NKAIN3: variants seen among roughly 807,000 people sequenced by gnomAD.
NKAIN3 encodes sodium/potassium transporting ATPase interacting 3.
In NKAIN3, 25 loss-of-function variants were observed where a neutral mutation model predicts 30.2. The ratio of observed to expected loss-of-function variants is 0.83; its 90% CI spans 0.60 to 1.16. The LOEUF is 1.16. Among genes scored for constraint, NKAIN3 ranks in the 50% most tolerant of loss-of-function variants. The probability of loss-of-function intolerance (pLI) is 0.00; values close to 1 mark genes in which losing one functional copy is unlikely to be tolerated. For missense variants in NKAIN3, 225 were observed against 254.1 expected (o/e 0.89, Z 0.78); for synonymous variants, 91 against 89.6 (o/e 1.02, Z -0.09).
chr8:62,257,509 C>A (rs1412337523), intron 1 of NKAIN3, among the ~76,000 whole-genome samples: 2 of 152,142 alleles, frequency 1.3e-5, no homozygotes, highest in East Asian at 3.8e-4. Flanking sequence ...TTCTACAATG[C>A]CTGATTAATC....
chr8:62,662,133 G>A (rs1812965403), intron 3 of NKAIN3, among the ~76,000 whole-genome samples: 1 of 152,132 alleles, frequency 6.6e-6, no homozygotes. Flanking sequence ...ATAGGGAACA[G>A]AAATTTCTGA....
chr8:62,347,191 C>G (rs1045329696), intron 1 of NKAIN3, among the ~76,000 whole-genome samples: 1 of 152,110 alleles, frequency 6.6e-6, no homozygotes, highest in African/African-American at 2.4e-5. Context: ...CTTGGCTTAT[C>G]TATGTGCTGC....
rs1807231046 is a variant in NKAIN3, at chr8:62,496,181, G to A, written c.55-83358G>A. On this transcript the variant is annotated intron_variant, in intron 1 of 6. Coordinates refer to ENST00000623646, the MANE Select transcript of NKAIN3 (RefSeq NM_001304533.3). ...TGTGCTTACTGTTTATAATATCTAAGCATAAAAGGAAAGGCAGAAAATTGT... is the reference window on the plus strand; with the variant it reads ...TGTGCTTACTGTTTATAATATCTAAACATAAAAGGAAAGGCAGAAAATTGT... Among the ~76,000 whole-genome samples the A allele has an allele frequency of 4.6e-5, 7 of 152,116 alleles. No homozygotes were observed. The South Asian group carries it at 1.5e-3, about 32-fold the overall frequency.
chr8:62,284,654 A>T (rs903965683), intron 1 of NKAIN3, among the ~76,000 whole-genome samples: 3 of 151,704 alleles, frequency 2.0e-5, no homozygotes, highest in Non-Finnish European at 4.4e-5. Context: ...AATAAATAAA[A>T]TAAATGTAGA....
chr8:62,878,518 A>T (rs1248149256), intron 4 of NKAIN3, among the ~76,000 whole-genome samples: 6 of 151,766 alleles, frequency 4.0e-5, no homozygotes, highest in Non-Finnish European at 5.9e-5. Flanking sequence ...TTTTATTATT[A>T]TTATTATTAT....
chr8:62,551,555 G>A (rs184058427), intron 1 of NKAIN3, among the ~76,000 whole-genome samples: 2 of 152,230 alleles, frequency 1.3e-5, no homozygotes, highest in South Asian at 2.1e-4. Context: ...AATAGGGCTC[G>A]CCCCTGACTT....
intron 1 of NKAIN3, among the ~76,000 whole-genome samples, chr8:62,459,342 A>C (rs2129599361): frequency 6.6e-6 from 1 of 152,312 alleles, no homozygotes; most frequent in East Asian, 1.9e-4. Context: ...AGGGCTGCTG[A>C]AATTTCAGCA....
At chr8:62,714,529 A>G (rs1381891269) in intron 3 of NKAIN3, among the ~76,000 whole-genome samples, 3 of 152,258 alleles carry the variant, frequency 2.0e-5, no homozygotes, top group South Asian at 2.1e-4. Flanking sequence ...TTAATCCTCA[A>G]AATAGCCCTA....
At chr8:62,833,908 T>C (rs1436868125) in intron 4 of NKAIN3, among the ~76,000 whole-genome samples, 1 of 151,824 alleles carries the variant, frequency 6.6e-6, no homozygotes, top group Non-Finnish European at 1.5e-5. Flanking sequence ...CTGAAGAACA[T>C]AGACAGAAAA....
At chr8:62,328,892 C>T (rs1314737108) in intron 1 of NKAIN3, among the ~76,000 whole-genome samples, 1 of 152,070 alleles carries the variant, frequency 6.6e-6, no homozygotes, top group Non-Finnish European at 1.5e-5. Context: ...GGCTACGTTG[C>T]ACCAGGGTTG....
At chr8:62,448,568 T>C (rs1164300320) in intron 1 of NKAIN3, among the ~76,000 whole-genome samples, 1 of 151,720 alleles carries the variant, frequency 6.6e-6, no homozygotes, top group Admixed American at 6.6e-5. Flanking sequence ...ATAATTGAGA[T>C]TGTACAATAC....
At chr8:62,283,523 A>G (rs1019905728) in intron 1 of NKAIN3, among the ~76,000 whole-genome samples, 3 of 152,116 alleles carry the variant, frequency 2.0e-5, no homozygotes, top group Admixed American at 1.3e-4. Flanking sequence ...GATTAACCCA[A>G]AGTTACTATT....
intron 1 of NKAIN3, among the ~76,000 whole-genome samples, chr8:62,424,113 T>G (rs917077584): frequency 6.6e-6 from 1 of 151,982 alleles, no homozygotes; most frequent in Non-Finnish European, 1.5e-5. Flanking sequence ...GATATCCACA[T>G]ACAGAAGAAT....
At position 62,578,473 on chromosome 8, in the gene NKAIN3, G is replaced by A. The variant is rs150347768; in HGVS notation, c.55-1066G>A. ...TGATCTCAATAAAATGTGATTCAAGGGGGTTAACTCTAGTTTTAGATCAGA... is the reference window on the plus strand; with the variant it reads ...TGATCTCAATAAAATGTGATTCAAGAGGGTTAACTCTAGTTTTAGATCAGA... On this transcript the variant is annotated intron_variant, in intron 1 of 6. Transcript: ENST00000623646. 2.3e-3 allele frequency among the ~76,000 whole-genome samples: 348 copies of A among 152,108 alleles called. 1 individual carries two copies. Among genetic ancestry groups the A allele is most frequent in the African/African-American group, 8.1e-3 (336 of 41,522 alleles).
chr8:62,785,073 C>T (rs1249456858), intron 4 of NKAIN3, among the ~76,000 whole-genome samples: 1 of 152,090 alleles, frequency 6.6e-6, no homozygotes, highest in African/African-American at 2.4e-5. Flanking sequence ...AAATTAAATA[C>T]AGAACTTCTG....
chr8:62,903,097 A>G lies in NKAIN3; in HGVS notation c.472-15356A>G, dbSNP rs143078238. ...AACTGTCTCCACAAGTGCTTCCCATACACATAAGGGCAGTAAATCCCCAGA... is the reference window on the plus strand; with the variant it reads ...AACTGTCTCCACAAGTGCTTCCCATGCACATAAGGGCAGTAAATCCCCAGA... On this transcript the variant is annotated intron_variant, in intron 4 of 6. Transcript: ENST00000623646. Among the ~76,000 whole-genome samples, 570 of 152,276 alleles carry G rather than the reference A, an allele frequency of 3.7e-3. 2 individuals are homozygous for G. The highest frequency in any genetic ancestry group is 6.5e-3 in the Non-Finnish European group (441 of 68,012).
chr8:62,846,906 A>G (rs57807246), intron 4 of NKAIN3, among the ~76,000 whole-genome samples: 6,460 of 152,140 alleles, frequency 0.042, 439 homozygotes, highest in African/African-American at 0.14. Context: ...CAGGCAAGAG[A>G]GCTTGTGCAG....
At chr8:62,672,809 T>G (rs1813348284) in intron 3 of NKAIN3, among the ~76,000 whole-genome samples, 1 of 152,248 alleles carries the variant, frequency 6.6e-6, no homozygotes. Flanking sequence ...ATTCATAGTA[T>G]GTGTCCATTT....
chr8:62,993,239 C>T (rs1388704007), intron 5 of NKAIN3, among the ~76,000 whole-genome samples: 1 of 151,972 alleles, frequency 6.6e-6, no homozygotes, highest in Non-Finnish European at 1.5e-5. Flanking sequence ...CTAGCTGTGG[C>T]CCAAAAAGAA....
Sources: gnomAD v4.1 joint callset for allele counts (sites outside exome capture counted in the v4.1 genomes callset) on GRCh38, gnomAD v4.1.1 for gene constraint, MANE v1.5 for transcripts, NCBI Gene and HGNC (gene_info 2026-07-23, HGNC 2026-07-21) for gene names.